RALYL: variants seen among roughly 807,000 people sequenced by gnomAD.
RALYL encodes the protein RALY RNA binding protein like, also known as RNA-binding Raly-like protein.
Under a neutral mutation model 35.1 loss-of-function variants are expected in RALYL, and 29 were observed. The observed-to-expected ratio is 0.83, with a 90% CI of 0.61 to 1.13. RALYL has a LOEUF of 1.13. Ranked by LOEUF, RALYL falls within the 50% of genes most tolerant of loss-of-function variation. The pLI, the probability that RALYL is intolerant of heterozygous loss-of-function variation, is 0.00. For synonymous variants in RALYL, 120 were observed against 127.6 expected (o/e 0.94, Z 0.40); for missense variants, 359 against 360.4 (o/e 1.00, Z 0.03).
chr8:84,580,545 C>T (rs1006646333), intron 2 of RALYL, among the ~76,000 whole-genome samples: 1 of 152,126 alleles, frequency 6.6e-6, no homozygotes, highest in Non-Finnish European at 1.5e-5. Flanking sequence ...GGTGAAGGAT[C>T]CATCACCATG....
At chr8:84,801,045 C>G (rs953715758) in intron 3 of RALYL, among the ~76,000 whole-genome samples, 1 of 152,152 alleles carries the variant, frequency 6.6e-6, no homozygotes, top group African/African-American at 2.4e-5. Flanking sequence ...CTGAATCATA[C>G]CAAGCCTAGA....
At chr8:84,335,613 T>C (rs1847625238) in intron 1 of RALYL, among the ~76,000 whole-genome samples, 1 of 150,296 alleles carries the variant, frequency 6.7e-6, no homozygotes, top group South Asian at 2.1e-4. Context: ...TCTTCTCCCC[T>C]CCACTCCCGC....
intron 1 of RALYL, among the ~76,000 whole-genome samples, chr8:84,405,300 C>T (rs1337536445): frequency 6.6e-6 from 1 of 152,010 alleles, no homozygotes; most frequent in Admixed American, 6.6e-5. Context: ...ATTGAAAGAA[C>T]TAGAGAAGCA....
intron 1 of RALYL, among the ~76,000 whole-genome samples, chr8:84,392,093 G>A (rs1860829966): frequency 6.6e-6 from 1 of 151,904 alleles, no homozygotes; most frequent in East Asian, 1.9e-4. Context: ...CAAAATCTAG[G>A]GAATTTTAAC....
chr8:84,623,301 G>A (rs1457729264), intron 2 of RALYL, among the ~76,000 whole-genome samples: 1 of 152,100 alleles, frequency 6.6e-6, no homozygotes, highest in Non-Finnish European at 1.5e-5. Flanking sequence ...CAGTCTAAAA[G>A]CATGAAAGTT....
intron 1 of RALYL, among the ~76,000 whole-genome samples, chr8:84,513,634 G>A (rs1482798288): frequency 1.3e-5 from 2 of 151,750 alleles, no homozygotes; most frequent in African/African-American, 2.4e-5. Context: ...TTATTATCTT[G>A]TTATATTTAA....
intron 4 of RALYL, among the ~76,000 whole-genome samples, chr8:84,813,535 G>A (rs2134129497): frequency 6.6e-6 from 1 of 152,310 alleles, no homozygotes; most frequent in South Asian, 2.1e-4. Flanking sequence ...ATGTGAGTAT[G>A]TAACATTGAA....
intron 4 of RALYL, among the ~76,000 whole-genome samples, chr8:84,825,769 G>A (rs944594504): frequency 2.6e-5 from 4 of 152,226 alleles, no homozygotes; most frequent in East Asian, 3.9e-4. Flanking sequence ...TTGGGAGGCC[G>A]AGGCAGGAGA....
chr8:84,688,548 G>C (rs1326848583), intron 2 of RALYL, among the ~76,000 whole-genome samples: 2 of 151,926 alleles, frequency 1.3e-5, no homozygotes, highest in Non-Finnish European at 2.9e-5. Flanking sequence ...CTTGATTCTT[G>C]TTTTACCCTA....
intron 1 of RALYL, among the ~76,000 whole-genome samples, chr8:84,250,488 C>T (rs1586544241): frequency 1.3e-5 from 2 of 152,124 alleles, no homozygotes; most frequent in South Asian, 4.2e-4. Context: ...GCCTCAGCCT[C>T]CTGAGTAGCT....
rs77144788 is a variant in RALYL at position 84,271,138 on chromosome 8, C to A, written c.-24+86714C>A. Among the ~76,000 whole-genome samples the A allele has an allele frequency of 4.3e-3, 625 of 146,282 alleles. 7 individuals are homozygous for A. Among genetic ancestry groups the A allele is most frequent in the African/African-American group, 0.015 (580 of 39,696 alleles). ...AAGCTAGAGTGAAATGAAACATTTT[C>A]AAAATGTGTATCTGATAACAGACAT... On this transcript the variant is annotated intron_variant, in intron 1 of 8. Coordinates refer to ENST00000521268, the MANE Select transcript of RALYL (RefSeq NM_173848.7).
intron 1 of RALYL, among the ~76,000 whole-genome samples, chr8:84,267,632 C>A (rs570640134): frequency 6.6e-6 from 1 of 152,134 alleles, no homozygotes; most frequent in South Asian, 2.1e-4. Flanking sequence ...GCCTGGAATA[C>A]CATTTAAAAC....
intron 1 of RALYL, among the ~76,000 whole-genome samples, chr8:84,370,800 C>T (rs1855523393): frequency 6.6e-6 from 1 of 151,938 alleles, no homozygotes; most frequent in African/African-American, 2.4e-5. Context: ...TCAATTTATT[C>T]ACTTTGTGGA....
chr8:84,374,233 C>G (rs2131495591), intron 1 of RALYL, among the ~76,000 whole-genome samples: 1 of 152,042 alleles, frequency 6.6e-6, no homozygotes, highest in South Asian at 2.1e-4. Flanking sequence ...GTCAGGACTT[C>G]CAATACTATC....
At chr8:84,713,985 A>G (rs1842588075) in intron 2 of RALYL, among the ~76,000 whole-genome samples, 1 of 151,590 alleles carries the variant, frequency 6.6e-6, no homozygotes, top group African/African-American at 2.4e-5. Context: ...ATATGATTAT[A>G]TGAGATATAT....
intron 2 of RALYL, among the ~76,000 whole-genome samples, chr8:84,765,833 A>AG (rs141529025): frequency 0.27 from 39,897 of 149,946 alleles, 5,728 homozygotes; most frequent in African/African-American, 0.34. Context: ...TTTAAACCTG[A>AG]TGAGGAAAAA....
At chr8:84,821,188 T>A (rs1303149694) in intron 4 of RALYL, among the ~76,000 whole-genome samples, 1 of 152,230 alleles carries the variant, frequency 6.6e-6, no homozygotes, top group Non-Finnish European at 1.5e-5. Flanking sequence ...TAAACAGCAT[T>A]TATTTCAGAC....
At chr8:84,605,175 C>T (rs192376932) in intron 2 of RALYL, among the ~76,000 whole-genome samples, 62 of 152,154 alleles carry the variant, frequency 4.1e-4, no homozygotes, top group African/African-American at 1.4e-3. Flanking sequence ...GGTAAGACCT[C>T]ATTTATAAGC....
chr8:84,678,988 G>C (rs900731535), intron 2 of RALYL: 1 of 293,528 alleles, frequency 3.4e-6, no homozygotes, highest in Non-Finnish European at 6.8e-6. Flanking sequence ...TATCTCAGTA[G>C]TGTTAAAGAG....
Sources: gnomAD v4.1 joint callset for allele counts (sites outside exome capture counted in the v4.1 genomes callset) on GRCh38, gnomAD v4.1.1 for gene constraint, MANE v1.5 for transcripts, NCBI Gene and HGNC (gene_info 2026-07-23, HGNC 2026-07-21) for gene names.